The following CYFIP2 variants were observed in gnomAD, a reference collection of about 807,000 sequenced individuals.
CYFIP2 encodes cytoplasmic FMR1-interacting protein 2.
A neutral mutation model predicts 158.7 loss-of-function variants in CYFIP2; 29 were observed. That is an observed-to-expected ratio of 0.18 (90% confidence interval 0.14 to 0.25). CYFIP2 has a LOEUF of 0.25. Among genes scored for constraint, CYFIP2 ranks in the 10% least tolerant of loss-of-function variants. CYFIP2 has a pLI of 1.00. For missense variants in CYFIP2, 852 were observed against 1,639.5 expected (o/e 0.52, Z 8.29); for synonymous variants, 585 against 617.6 (o/e 0.95, Z 0.78).
intron 3 of CYFIP2, 73 bp downstream of exon 3, chr5:157,287,181 AC>A: frequency 8.2e-7 from 1 of 1,214,346 alleles, no homozygotes; most frequent in Non-Finnish European, 1.2e-6. Context: ...AGCTTCTCAC[AC>A]CAGAGGCATG....
At chr5:157,383,176 TACATCATCA>T in intron 27 of CYFIP2, 80 bp from the exon 28 acceptor site, 1 of 1,124,380 alleles carries the variant, frequency 8.9e-7, no homozygotes, top group East Asian at 2.5e-5. Context: ...GGAATGCAGA[TACATCATCA>T]GGTCCTTTGG....
intron 16 of CYFIP2, among the ~76,000 whole-genome samples, chr5:157,324,387 T>G (rs531395558): frequency 6.6e-6 from 1 of 152,204 alleles, no homozygotes; most frequent in African/African-American, 2.4e-5. Context: ...GCTAGACTTT[T>G]GCTACTCAGC....
In CYFIP2 at chr5:157,324,013, C is replaced by T. The variant is rs751164863; in HGVS notation, c.1764C>T (p.Val588=). ...TLRSSLDGPI[V]LAIEDFHKQS... ...GGAGCAGCCTGGATGGACCCATTGT[C>T]CTCGCCATAGAGGACTTTCACAAAC... Residue 588 remains valine, a synonymous_variant, in exon 16 of 31, where the codon GTC becomes GTT. Transcript: ENST00000620254. 6.2e-7 allele frequency: 1 copy of T among 1,613,692 alleles called. No individual in the cohort carries two copies.
At position 157,341,176 on chromosome 5, in the gene CYFIP2, C is replaced by T. The variant is rs1179438207; in HGVS notation, c.2673+19C>T. 6.2e-7 allele frequency: 1 copy of T among 1,608,752 alleles called. No homozygotes were observed. The highest frequency in any genetic ancestry group is 1.3e-5 in the African/African-American group (1 of 74,770). ...ATCCAAGGTAAGTAGTCCTGCCCTA[C>T]CCTGCCTAGAAGAGGGTTGGTGAGA... On this transcript the variant is annotated intron_variant, in intron 23 of 30. Transcript: ENST00000620254.
At chr5:157,314,505 T>G in intron 12 of CYFIP2, 42 bp downstream of exon 12, 2 of 1,591,858 alleles carry the variant, frequency 1.3e-6, no homozygotes, top group South Asian at 1.1e-5. Flanking sequence ...GACCTCTCTT[T>G]CCTTGGAATC....
chr5:157,282,488 A>G (rs1249628693), intron 1 of CYFIP2, among the ~76,000 whole-genome samples: 2 of 152,218 alleles, frequency 1.3e-5, no homozygotes, highest in Non-Finnish European at 2.9e-5. Context: ...GGGTGAGGGC[A>G]AGTATCCTAA....
At chr5:157,390,271 ATTT>A (rs59915963) in intron 29 of CYFIP2, among the ~76,000 whole-genome samples, 1 of 148,680 alleles carries the variant, frequency 6.7e-6, no homozygotes. Flanking sequence ...TTTAGAGCTG[ATTT>A]TTTTTTTTTT....
At chr5:157,313,923 A>G (rs1251692758) in intron 11 of CYFIP2, among the ~76,000 whole-genome samples, 1 of 152,118 alleles carries the variant, frequency 6.6e-6, no homozygotes, top group African/African-American at 2.4e-5. Context: ...TAAGAGTAAG[A>G]TTGCTTTGTA....
chr5:157,364,096 C>G (rs1764112411), intron 26 of CYFIP2: 1 of 151,214 alleles, frequency 6.6e-6, no homozygotes, highest in South Asian at 2.1e-4. Flanking sequence ...CACAGATCAG[C>G]AGACCCAGGT....
intron 26 of CYFIP2, among the ~76,000 whole-genome samples, chr5:157,369,879 GTT>G (rs1554120265): frequency 7.7e-5 from 8 of 103,282 alleles, no homozygotes; most frequent in Admixed American, 2.0e-4. Context: ...AATGGACCTA[GTT>G]TTTTTTTTTT....
rs1320099335 is a variant in CYFIP2, at chr5:157,333,315, C to G, written c.2266-12C>G. 5.0e-6 allele frequency: 8 copies of G among 1,613,876 alleles called. No homozygotes were observed. The East Asian group carries it at 6.7e-5, about 13-fold the overall frequency. On this transcript the variant is annotated splice_polypyrimidine_tract_variant and intron_variant, in intron 20 of 30. Coordinates refer to ENST00000620254, the MANE Select transcript of CYFIP2 (RefSeq NM_001037333.3). ...AATTTTAAGTAACTTTTCTCTCTCT[C>G]TCTTCATCCAGCTGTTGGGTAGATC...
intron 28 of CYFIP2, among the ~76,000 whole-genome samples, chr5:157,385,951 T>TCC (rs200567568): frequency 3.0e-3 from 452 of 151,772 alleles, no homozygotes; most frequent in African/African-American, 0.01. Context: ...TGTTAAACAC[T>TCC]CCCCTCCCTA....
chr5:157,284,273 G>A (rs1020498647), intron 1 of CYFIP2, among the ~76,000 whole-genome samples: 1 of 152,102 alleles, frequency 6.6e-6, no homozygotes, highest in African/African-American at 2.4e-5. Context: ...TTGAAGACAT[G>A]TATTAGTGCT....
intron 22 of CYFIP2, among the ~76,000 whole-genome samples, chr5:157,340,779 C>G (rs918801966): frequency 6.6e-6 from 1 of 152,168 alleles, no homozygotes; most frequent in Non-Finnish European, 1.5e-5. Flanking sequence ...GAGTGGAGCC[C>G]TAGAGAAAGT....
chr5:157,328,618 C>CT (rs1426016810), intron 19 of CYFIP2, among the ~76,000 whole-genome samples: 1 of 152,234 alleles, frequency 6.6e-6, no homozygotes, highest in African/African-American at 2.4e-5. Context: ...CATGCTAAGG[C>CT]TGGGGAGTGG....
At chr5:157,296,798 C>T (rs2113874662) in intron 5 of CYFIP2, 24 bp downstream of exon 5, 1 of 1,588,844 alleles carries the variant, frequency 6.3e-7, no homozygotes, top group African/African-American at 1.3e-5. Context: ...GGCAGGTCTG[C>T]ATCTGGAGAA....
At chr5:157,268,074 C>T (rs1755765392) in intron 1 of CYFIP2, among the ~76,000 whole-genome samples, 1 of 152,240 alleles carries the variant, frequency 6.6e-6, no homozygotes. Flanking sequence ...GCATTGGCTG[C>T]CCTTTGCCAA....
chr5:157,293,966 C>T (rs550834081), intron 3 of CYFIP2, among the ~76,000 whole-genome samples: 3 of 152,058 alleles, frequency 2.0e-5, no homozygotes, highest in African/African-American at 7.2e-5. Flanking sequence ...TTGGACCAGT[C>T]GAGTCCCAAA....
Position 157,271,134 on chromosome 5 carries a change from G to A in CYFIP2, c.-24+4939G>A, listed in dbSNP as rs144489334. On this transcript the variant is annotated intron_variant, in intron 1 of 30. Coordinates refer to ENST00000620254, the MANE Select transcript of CYFIP2 (RefSeq NM_001037333.3). ...GTCTTCGTGTGGGCCATGATAGATC[G>A]GTAAGATTTGAGAAGGGAAGAAGAC... 2.8e-3 allele frequency among the ~76,000 whole-genome samples: 427 copies of A among 152,286 alleles called. 1 individual carries two copies. The highest frequency in any genetic ancestry group is 9.7e-3 in the African/African-American group (403 of 41,556).
Sources: allele counts gnomAD v4.1 joint callset (sites outside exome capture counted in the v4.1 genomes callset), GRCh38; gene constraint gnomAD v4.1.1; transcripts MANE v1.5; gene names NCBI Gene and HGNC (gene_info 2026-07-23, HGNC 2026-07-21).